The following CCS variants were observed in gnomAD, a reference collection of about 807,000 sequenced individuals.
CCS encodes the protein superoxide dismutase copper chaperone.
Under a neutral mutation model 35.5 loss-of-function variants are expected in CCS, and 32 were observed. That is an observed-to-expected ratio of 0.90 (90% CI 0.68 to 1.21). CCS has a LOEUF of 1.21. Ranked by LOEUF, CCS falls within the 50% of genes most tolerant of loss-of-function variation. The probability of loss-of-function intolerance (pLI) is 0.00; values close to 1 mark genes in which losing one functional copy is unlikely to be tolerated. For missense variants in CCS, 342 were observed against 375.4 expected, an observed-to-expected ratio of 0.91 and a Z score of 0.73; for synonymous variants, 130 against 147.2, an observed-to-expected ratio of 0.88 and a Z score of 0.84.
chr11:66,597,681 G>A (rs1002360571), intron 2 of CCS, among the ~76,000 whole-genome samples: 16 of 151,884 alleles, frequency 1.1e-4, no homozygotes, highest in Non-Finnish European at 2.1e-4. Flanking sequence ...GAACCCAGGA[G>A]GTGAAGCTTG....
intron 2 of CCS, among the ~76,000 whole-genome samples, chr11:66,594,774 CAAAAAAAAAA>C (rs992030660): frequency 3.1e-5 from 2 of 65,030 alleles, no homozygotes; most frequent in Non-Finnish European, 3.1e-5. Flanking sequence ...GACCCTCTCT[CAAAAAAAAAA>C]AAAAAAAAAA....
intron 5 of CCS, among the ~76,000 whole-genome samples, chr11:66,603,981 A>C (rs1037561381): frequency 6.6e-6 from 1 of 151,008 alleles, no homozygotes; most frequent in Non-Finnish European, 1.5e-5. Context: ...GTGAGCCCAG[A>C]TCGCACCACT....
chr11:66,599,437 C>A, intron 3 of CCS, 22 bp from the exon 4 acceptor site: 1 of 1,516,372 alleles, frequency 6.6e-7, no homozygotes, highest in Non-Finnish European at 8.8e-7. Flanking sequence ...GCAAGCCAGC[C>A]CAAGTGTCTA....
At chr11:66,597,752 A>C in intron 2 of CCS, among the ~76,000 whole-genome samples, 1 of 141,682 alleles carries the variant, frequency 7.1e-6, no homozygotes, top group East Asian at 2.0e-4. Context: ...ACTCTGTCTC[A>C]AAAAAAAAAA....
Position 66,593,235 on chromosome 11 carries a change from C to T in CCS, c.-27C>T, listed in dbSNP as rs1306834296. ...GTGCTCCTGCGCCGGAGGAGTTCTG[C>T]GTCTCGGGGTGGTGACTGGGTCCAG... On this transcript the variant is annotated 5_prime_UTR_variant, in exon 1 of 8. Coordinates refer to ENST00000533244, the MANE Select transcript of CCS (RefSeq NM_005125.2). 6.4e-7 allele frequency: 1 copy of T among 1,557,136 alleles called. No homozygotes were observed. The highest frequency in any genetic ancestry group is 8.7e-7 in the Non-Finnish European group (1 of 1,150,714).
At chr11:66,596,006 G>C (rs1858470686) in intron 2 of CCS, among the ~76,000 whole-genome samples, 1 of 152,156 alleles carries the variant, frequency 6.6e-6, no homozygotes, top group South Asian at 2.1e-4. Flanking sequence ...CCTCTCCCTA[G>C]CCTGTGTAAG....
intron 5 of CCS, among the ~76,000 whole-genome samples, chr11:66,601,253 C>T (rs1323617911): frequency 3.3e-5 from 5 of 152,080 alleles, no homozygotes; most frequent in South Asian, 2.1e-4. Context: ...CCACCACACC[C>T]GGGTAATTTT....
chr11:66,597,730 C>G (rs963637372), intron 2 of CCS, among the ~76,000 whole-genome samples: 25 of 146,808 alleles, frequency 1.7e-4, no homozygotes, highest in Admixed American at 5.5e-4. Context: ...CCAGCCTGGG[C>G]GACAGAGTGA....
intron 2 of CCS, among the ~76,000 whole-genome samples, chr11:66,596,913 G>A (rs1391296177): frequency 6.6e-6 from 1 of 152,206 alleles, no homozygotes; most frequent in African/African-American, 2.4e-5. Context: ...CTGGAGCTAG[G>A]CTGCATGGTC....
intron 5 of CCS, among the ~76,000 whole-genome samples, chr11:66,603,552 A>T (rs1376783661): frequency 6.6e-6 from 1 of 151,916 alleles, no homozygotes; most frequent in Non-Finnish European, 1.5e-5. Context: ...CTCTATTAAA[A>T]ATACAAAAGT....
intron 3 of CCS, 54 bp downstream of exon 3, chr11:66,599,307 G>A: frequency 6.5e-7 from 1 of 1,531,386 alleles, no homozygotes. Context: ...CTCAGAGCTG[G>A]TACAAATCTA....
intron 2 of CCS, 140 bp downstream of exon 2, chr11:66,593,854 A>C: frequency 1.3e-6 from 1 of 795,276 alleles, no homozygotes; most frequent in Non-Finnish European, 2.1e-6. Context: ...TCTCAGAGTT[A>C]CACACAGACC....
At chr11:66,599,323 A>AG in intron 3 of CCS, 70 bp downstream of exon 3, 14 of 1,514,102 alleles carry the variant, frequency 9.2e-6, no homozygotes, top group Non-Finnish European at 1.2e-5. Flanking sequence ...ATCTAATCAT[A>AG]GGATTCTCAG....
chr11:66,605,250 G>A, intron 5 of CCS, 89 bp from the exon 6 acceptor site: 1 of 1,579,450 alleles, frequency 6.3e-7, no homozygotes, highest in Non-Finnish European at 8.6e-7. Flanking sequence ...AGGGAAGCAG[G>A]AAGAGGCGTC....
intron 5 of CCS, 32 bp downstream of exon 5, chr11:66,600,581 G>A (rs1394625613): frequency 1.3e-5 from 18 of 1,339,814 alleles, no homozygotes; most frequent in Non-Finnish European, 1.7e-5. Context: ...GGCTTGGGCT[G>A]AGAGAGGACC....
Position 66,600,550 on chromosome 11 carries a change from G to T in CCS, c.489+1G>T. 6.6e-7 allele frequency: 1 copy of T among 1,509,922 alleles called. No homozygotes were observed. Among genetic ancestry groups the T allele is most frequent in the Non-Finnish European group, 8.9e-7 (1 of 1,120,318 alleles). The allele number at this position is 1,509,922 out of a possible 1,614,324, so 93.5% of individuals were successfully genotyped here. A position where few individuals can be genotyped will look rare whatever the true frequency, so the allele number is the denominator to read the frequency against. The stretch of plus-strand genomic sequence containing the variant: ...TGGGGGCCCCCAGGACTCTGACCGG[G>T]TAAGTGTCTGTCTGGGTTTGGGCTT... On this transcript the variant is annotated splice_donor_variant, in intron 5 of 7. Transcript: ENST00000533244. LOFTEE classifies it high-confidence loss of function.
chr11:66,597,253 TC>T (rs1858492312), intron 2 of CCS, among the ~76,000 whole-genome samples: 1 of 151,468 alleles, frequency 6.6e-6, no homozygotes, highest in Non-Finnish European at 1.5e-5. Context: ...GGTGAGGAGA[TC>T]GAGACCATTC....
intron 2 of CCS, among the ~76,000 whole-genome samples, chr11:66,594,864 G>A (rs1485972828): frequency 6.6e-6 from 1 of 152,158 alleles, no homozygotes; most frequent in African/African-American, 2.4e-5. Context: ...AGTTCACATG[G>A]GTATCAGGCA....
chr11:66,599,497 G>A lies in CCS; in HGVS notation c.289G>A (p.Gly97Ser), dbSNP rs1201410621. ...AGCAGTGGCCATCCTGGGGGGGCCT[G>A]GCACCGTGCAGGGGGTGGTGCGCTT... ...GAAVAILGGP[G>S]TVQGVVRFLQ... The change falls in exon 4 of 8, where the codon GGC becomes AGC. Residue 97 changes from glycine to serine, a missense_variant. By Grantham distance (56) the Gly-to-Ser change is moderately conservative. Coordinates refer to ENST00000533244, the MANE Select transcript of CCS (RefSeq NM_005125.2). 2 of 1,558,810 alleles carry A rather than the reference G, an allele frequency of 1.3e-6. No homozygotes were observed. Among genetic ancestry groups the A allele is most frequent in the African/African-American group, 2.8e-5 (2 of 72,106 alleles).
Sources: gnomAD v4.1 joint callset for allele counts (sites outside exome capture counted in the v4.1 genomes callset) on GRCh38, gnomAD v4.1.1 for gene constraint, MANE v1.5 for transcripts, NCBI Gene and HGNC (gene_info 2026-07-23, HGNC 2026-07-21) for gene names.